The following WNT7A variants were observed in gnomAD, a reference collection of about 807,000 sequenced individuals.
The protein encoded by WNT7A is Wnt family member 7A, also known as protein Wnt-7a.
In WNT7A, 16 loss-of-function variants were observed where a neutral mutation model predicts 28.2. That is an observed-to-expected ratio of 0.57 (90% CI 0.38 to 0.86). WNT7A has a LOEUF of 0.86. WNT7A is among the 40% of genes least tolerant of loss of function. The pLI, the probability that WNT7A is intolerant of heterozygous loss-of-function variation, is 0.00. For missense variants in WNT7A, 411 were observed against 489.7 expected (o/e 0.84, Z 1.52); for synonymous variants, 190 against 195.9 (o/e 0.97, Z 0.25).
At chr3:13,863,087 T>C (rs1694856029) in intron 2 of WNT7A, among the ~76,000 whole-genome samples, 1 of 152,150 alleles carries the variant, frequency 6.6e-6, no homozygotes, top group African/African-American at 2.4e-5. Context: ...CCCAGGGTTG[T>C]TGGGAGGATT....
intron 1 of WNT7A, 101 bp downstream of exon 1, chr3:13,879,645 G>A: frequency 1.5e-6 from 2 of 1,339,726 alleles, no homozygotes; most frequent in Non-Finnish European, 1.0e-6. Context: ...CAGAGAAGCT[G>A]TGGAAGTTGG....
chr3:13,868,589 AGG>A (rs1197160793), intron 2 of WNT7A, among the ~76,000 whole-genome samples: 221 of 13,686 alleles, frequency 0.016, 17 homozygotes, highest in African/African-American at 0.038. Context: ...AGAGAGAGAG[AGG>A]GAGAAAGAAA....
In WNT7A at chr3:13,854,979, T is replaced by C. The variant is rs546699396; in HGVS notation, c.299-176A>G. 5.9e-5 allele frequency among the ~76,000 whole-genome samples: 9 copies of C among 152,260 alleles called. No homozygotes were observed. In the East Asian group the frequency reaches 1.5e-3, roughly 26 times the overall value. The stretch of plus-strand genomic sequence containing the variant: ...CTTTTAGGGTGATGAGCTGAGCACC[T>C]CCCATTACACACACATCCATTCAAC... On this transcript the variant is annotated intron_variant, in intron 2 of 3. Transcript: ENST00000285018.
intron 2 of WNT7A, among the ~76,000 whole-genome samples, chr3:13,869,040 G>A (rs202186627): frequency 0.04 from 5,885 of 148,056 alleles, 9 homozygotes; most frequent in South Asian, 0.16. Context: ...GTGAGAGAGA[G>A]AGAAAGGGAG....
intron 3 of WNT7A, among the ~76,000 whole-genome samples, chr3:13,847,913 A>C (rs1559300442): frequency 6.6e-6 from 1 of 152,220 alleles, no homozygotes; most frequent in Non-Finnish European, 1.5e-5. Flanking sequence ...CAACAGTGAG[A>C]GTGTGCTTGA....
At chr3:13,864,906 T>C (rs1485170338) in intron 2 of WNT7A, among the ~76,000 whole-genome samples, 4 of 152,236 alleles carry the variant, frequency 2.6e-5, no homozygotes, top group Non-Finnish European at 4.4e-5. Context: ...GGACTTTCAA[T>C]GGTAATGTGG....
rs1491270987 is a variant in WNT7A, at chr3:13,818,350, G to GAAAAAAAAAAAA, written c.*593_*594insTTTTTTTTTTTT. The GAAAAAAAAAAAA allele has an allele frequency of 1.1e-4, 2 of 18,162 alleles. No homozygotes were observed. Among genetic ancestry groups the GAAAAAAAAAAAA allele is most frequent in the African/African-American group, 9.2e-4 (2 of 2,168 alleles). The allele number at this position is 18,162 out of a possible 1,614,324, so 1.1% of individuals were successfully genotyped here. On this transcript the variant is annotated 3_prime_UTR_variant, in exon 4 of 4. Coordinates refer to ENST00000285018, the MANE Select transcript of WNT7A (RefSeq NM_004625.4). Reference sequence around the variant, plus strand: ...ATTTCTGGATAAGTAGCAGCAAACAGCAAAAAAAAAAAAAAAAATGTGTGT... The same window carrying GAAAAAAAAAAAA: ...ATTTCTGGATAAGTAGCAGCAAACAGAAAAAAAAAAAACAAAAAAAAAAAAAAAAATGTGTGT...
At chr3:13,844,228 C>A (rs1694504154) in intron 3 of WNT7A, among the ~76,000 whole-genome samples, 1 of 152,172 alleles carries the variant, frequency 6.6e-6, no homozygotes, top group South Asian at 2.1e-4. Context: ...CTCAAGCACA[C>A]CACTGAACTG....
At chr3:13,860,033 GCA>G (rs1559304221) in intron 2 of WNT7A, among the ~76,000 whole-genome samples, 1 of 152,080 alleles carries the variant, frequency 6.6e-6, no homozygotes, top group Non-Finnish European at 1.5e-5. Flanking sequence ...CAAGGCATGA[GCA>G]CAGAGTTAGC....
In WNT7A at chr3:13,816,753, C is replaced by T. The variant is rs766552297; in HGVS notation, c.*2191G>A. The T allele has an allele frequency of 6.6e-6, 1 of 152,180 alleles. No individual in the cohort carries two copies. Among genetic ancestry groups the T allele is most frequent in the South Asian group, 2.1e-4 (1 of 4,818 alleles). 9.4% of individuals were successfully genotyped at this position (152,180 alleles called of 1,614,324 possible). A position where few individuals can be genotyped will look rare whatever the true frequency, so the allele number is the denominator to read the frequency against. On this transcript the variant is annotated 3_prime_UTR_variant, in exon 4 of 4. Transcript: ENST00000285018. The stretch of plus-strand genomic sequence containing the variant: ...TTCATCCGCTCACTTATCAATCCAT[C>T]CACCCATCTGTTTATCCCTTCATCC...
intron 3 of WNT7A, among the ~76,000 whole-genome samples, chr3:13,834,182 C>A (rs1215123383): frequency 6.6e-6 from 1 of 152,084 alleles, no homozygotes; most frequent in Admixed American, 6.5e-5. Flanking sequence ...CAGCACTGAG[C>A]AATTGTTTAT....
At chr3:13,866,286 C>G (rs926287733) in intron 2 of WNT7A, among the ~76,000 whole-genome samples, 1 of 152,234 alleles carries the variant, frequency 6.6e-6, no homozygotes, top group Non-Finnish European at 1.5e-5. Flanking sequence ...AATAACAACA[C>G]AGCTACGATG....
intron 3 of WNT7A, among the ~76,000 whole-genome samples, chr3:13,854,045 G>A (rs62234580): frequency 0.23 from 34,280 of 151,888 alleles, 4,282 homozygotes; most frequent in Middle Eastern, 0.31. Context: ...TTTCCCCCAG[G>A]ACACCATCCT....
chr3:13,861,052 TACA>T (rs1170541391), intron 2 of WNT7A, among the ~76,000 whole-genome samples: 1 of 152,202 alleles, frequency 6.6e-6, no homozygotes, highest in Non-Finnish European at 1.5e-5. Flanking sequence ...GCCCATGTGA[TACA>T]ACCTGTAAGG....
intron 1 of WNT7A, among the ~76,000 whole-genome samples, chr3:13,878,816 C>T (rs929874756): frequency 6.6e-6 from 1 of 152,144 alleles, no homozygotes; most frequent in Non-Finnish European, 1.5e-5. Context: ...TGCCCAGATC[C>T]CCCCGCCCCC....
intron 3 of WNT7A, among the ~76,000 whole-genome samples, chr3:13,829,301 A>G (rs913628527): frequency 1.3e-5 from 2 of 152,204 alleles, no homozygotes; most frequent in Admixed American, 6.5e-5. Context: ...CATCAAAACC[A>G]CTTTTGGTAC....
chr3:13,818,491 T>C lies in WNT7A; in HGVS notation c.*453A>G, dbSNP rs891484375. On this transcript the variant is annotated 3_prime_UTR_variant, in exon 4 of 4. Transcript: ENST00000285018. ...AATATCTGCATAAAGAATAGTTATG[T>C]ACACTTCTACACGGCTCCTTGTCCT... The C allele has an allele frequency of 2.0e-5, 3 of 152,342 alleles. No homozygotes were observed. Among genetic ancestry groups the C allele is most frequent in the African/African-American group, 4.8e-5 (2 of 41,434 alleles). 9.4% of individuals were successfully genotyped at this position (152,342 alleles called of 1,614,324 possible).
intron 2 of WNT7A, among the ~76,000 whole-genome samples, chr3:13,857,673 C>A (rs181461478): frequency 5.9e-4 from 90 of 152,016 alleles, no homozygotes; most frequent in Non-Finnish European, 1.1e-3. Context: ...AGCTCTCCAA[C>A]CCCAGGCACC....
At chr3:13,836,520 G>T (rs1694373910) in intron 3 of WNT7A, among the ~76,000 whole-genome samples, 1 of 152,218 alleles carries the variant, frequency 6.6e-6, no homozygotes, top group African/African-American at 2.4e-5. Flanking sequence ...CTCACATGTG[G>T]CCAGGGGTGG....
Sources: gnomAD v4.1 joint callset for allele counts (sites outside exome capture counted in the v4.1 genomes callset) on GRCh38, gnomAD v4.1.1 for gene constraint, MANE v1.5 for transcripts, NCBI Gene and HGNC (gene_info 2026-07-23, HGNC 2026-07-21) for gene names.